The following NKD1 variants were observed in gnomAD, a reference collection of about 807,000 sequenced individuals.
NKD1 encodes NKD inhibitor of Wnt signaling pathway 1, also known as protein naked cuticle homolog 1.
In NKD1, 21 loss-of-function variants were observed where a neutral mutation model predicts 56.0. The ratio of observed to expected loss-of-function variants is 0.38; its 90% CI spans 0.27 to 0.54. The LOEUF (loss-of-function observed/expected upper bound fraction) is 0.54, where lower values mean the gene tolerates loss of function less well. Ranked by LOEUF, NKD1 falls within the 20% of genes least tolerant of loss-of-function variation. The probability of loss-of-function intolerance (pLI) is 0.82; values close to 1 mark genes in which losing one functional copy is unlikely to be tolerated. For missense variants in NKD1, 578 were observed against 642.7 expected (o/e 0.90, Z 1.09); for synonymous variants, 263 against 265.7 (o/e 0.99, Z 0.10).
intron 3 of NKD1, among the ~76,000 whole-genome samples, chr16:50,604,445 A>G (rs1961662261): frequency 6.6e-6 from 1 of 152,180 alleles, no homozygotes; most frequent in African/African-American, 2.4e-5. Flanking sequence ...TGGTCACCAT[A>G]CAATAACAAT....
In NKD1 at chr16:50,549,573, T is replaced by A. The variant is rs775033582; in HGVS notation, c.192+18T>A. The A allele has an allele frequency of 2.6e-5, 41 of 1,553,636 alleles. No individual in the cohort carries two copies. Among genetic ancestry groups the A allele is most frequent in the Non-Finnish European group, 3.5e-5 (40 of 1,147,244 alleles). On this transcript the variant is annotated intron_variant, in intron 3 of 9. Transcript: ENST00000268459. ...GCACCCGGGTATGATTCCCCACCCC[T>A]GCCCCACCTCCTGGCCTCCTTTCAG...
chr16:50,592,195 A>G (rs1338610353), intron 3 of NKD1, among the ~76,000 whole-genome samples: 1 of 152,206 alleles, frequency 6.6e-6, no homozygotes, highest in Non-Finnish European at 1.5e-5. Flanking sequence ...GCCTTGGATC[A>G]ATGAAAGCTG....
chr16:50,617,309 G>C (rs1396072901), intron 4 of NKD1, among the ~76,000 whole-genome samples: 1 of 152,102 alleles, frequency 6.6e-6, no homozygotes, highest in Non-Finnish European at 1.5e-5. Flanking sequence ...TTTAAACTGG[G>C]GGAGGGGAGA....
chr16:50,558,424 G>A (rs996792984), intron 3 of NKD1: 2 of 152,246 alleles, frequency 1.3e-5, no homozygotes, highest in Non-Finnish European at 1.5e-5. Context: ...CTATCGCATA[G>A]ATGAGGAGGC....
chr16:50,564,223 G>A (rs1960709282), intron 3 of NKD1, among the ~76,000 whole-genome samples: 1 of 152,242 alleles, frequency 6.6e-6, no homozygotes. Context: ...CCTTCTAGAT[G>A]GTTGGATCAG....
At chr16:50,606,162 A>G (rs568446169) in intron 3 of NKD1, 1 of 151,498 alleles carries the variant, frequency 6.6e-6, no homozygotes. Context: ...GTTTCAAGCG[A>G]TTCTTCTGCC....
In NKD1 at chr16:50,646,615, CT is replaced by C. The variant is rs1962686243; in HGVS notation, c.*12835del. 6.6e-6 allele frequency: 1 copy of C among 152,280 alleles called. No individual in the cohort carries two copies. The highest frequency in any genetic ancestry group is 2.4e-5 in the African/African-American group (1 of 41,436). 9.4% of individuals were successfully genotyped at this position (152,280 alleles called of 1,614,324 possible). On this transcript the variant is annotated 3_prime_UTR_variant, in exon 10 of 10. Coordinates refer to ENST00000268459, the MANE Select transcript of NKD1 (RefSeq NM_033119.5). ...GCTCAGGCCCTGGGGACACAGTGCCCTCCCTCTAGGAGCCTTAATGGGGAAA... is the reference window on the plus strand; with the variant it reads ...GCTCAGGCCCTGGGGACACAGTGCCCCCCTCTAGGAGCCTTAATGGGGAAA...
chr16:50,574,887 A>C (rs1488481182), intron 3 of NKD1: 28 of 985,416 alleles, frequency 2.8e-5, no homozygotes, highest in Non-Finnish European at 3.3e-5. Flanking sequence ...CCAAGTTTGA[A>C]ACTTCCTCTC....
At chr16:50,575,571 G>A (rs978532621) in intron 3 of NKD1, among the ~76,000 whole-genome samples, 4 of 152,196 alleles carry the variant, frequency 2.6e-5, no homozygotes, top group African/African-American at 4.8e-5. Flanking sequence ...TCAGGAGCTC[G>A]AACACTGAGA....
In NKD1 at chr16:50,598,814, C is replaced by T. The variant is rs531853805; in HGVS notation, c.193-9480C>T. ...CAGTGGTGTGGCAGGATCAGTGGTG[C>T]GATGTGCAGTGGCATGGTAGAGTCA... On this transcript the variant is annotated intron_variant, in intron 3 of 9. Coordinates refer to ENST00000268459, the MANE Select transcript of NKD1 (RefSeq NM_033119.5). The surrounding 1 kb of genome is among the most constrained non-coding windows in gnomAD (Gnocchi z 4.2). 6.8e-6 allele frequency among the ~76,000 whole-genome samples: 1 copy of T among 146,404 alleles called. No individual in the cohort carries two copies. Among genetic ancestry groups the T allele is most frequent in the Non-Finnish European group, 1.5e-5 (1 of 66,472 alleles).
chr16:50,615,468 C>T (rs1461443376), intron 4 of NKD1, among the ~76,000 whole-genome samples: 1 of 152,160 alleles, frequency 6.6e-6, no homozygotes, highest in Non-Finnish European at 1.5e-5. Context: ...GGTGTGACAG[C>T]ATGCTGCTCA....
intron 4 of NKD1, among the ~76,000 whole-genome samples, chr16:50,611,646 G>T (rs942795383): frequency 6.6e-6 from 1 of 152,192 alleles, no homozygotes; most frequent in African/African-American, 2.4e-5. Context: ...CTCGGGGCCT[G>T]TTCAGCTCTG....
At chr16:50,600,983 C>T (rs576717756) in intron 3 of NKD1, among the ~76,000 whole-genome samples, 1 of 152,338 alleles carries the variant, frequency 6.6e-6, no homozygotes, top group South Asian at 2.1e-4. Flanking sequence ...GCATCTTGGG[C>T]AGATAAAAAT....
intron 4 of NKD1, among the ~76,000 whole-genome samples, chr16:50,609,575 C>T (rs1310313916): frequency 2.6e-5 from 4 of 152,130 alleles, no homozygotes; most frequent in African/African-American, 7.2e-5. Flanking sequence ...AGGGGAGCAT[C>T]GGCCAGACCT....
Position 50,633,552 on chromosome 16 carries a change from C to T in NKD1, c.1184C>T (p.Ala395Val). 6.2e-7 allele frequency: 1 copy of T among 1,611,116 alleles called. No individual in the cohort carries two copies. Among genetic ancestry groups the T allele is most frequent in the Non-Finnish European group, 8.5e-7 (1 of 1,179,300 alleles). Residue 395 changes from alanine (A) to valine (V), a missense_variant, in exon 10 of 10, where the codon GCC becomes GTC. Coordinates refer to ENST00000268459, the MANE Select transcript of NKD1 (RefSeq NM_033119.5). The surrounding 1 kb of genome is among the most constrained non-coding windows in gnomAD (Gnocchi z 4.9). ...AGCCCGGCCCTCCTCCCCTCCCTAG[C>T]CCCCCTCGGGCACAAGAAGCACAAG... ...AASPALLPSL[A>V]PLGHKKHKHR...
At chr16:50,565,519 TAAC>T (rs1436259441) in intron 3 of NKD1, among the ~76,000 whole-genome samples, 1 of 151,770 alleles carries the variant, frequency 6.6e-6, no homozygotes, top group Non-Finnish European at 1.5e-5. Flanking sequence ...TCTCTTAAAA[TAAC>T]AACAGTAACA....
intron 3 of NKD1, among the ~76,000 whole-genome samples, chr16:50,568,716 T>G (rs1960817864): frequency 6.6e-6 from 1 of 152,076 alleles, no homozygotes; most frequent in African/African-American, 2.4e-5. Flanking sequence ...TTCTTTGAGC[T>G]CCAGTCAGCA....
In NKD1 at chr16:50,633,137, G is replaced by A. The variant is rs577582674; in HGVS notation, c.824-55G>A. On this transcript the variant is annotated intron_variant, in intron 9 of 9. Coordinates refer to ENST00000268459, the MANE Select transcript of NKD1 (RefSeq NM_033119.5). This position sits in a 1 kb window ranked among gnomAD's most constrained non-coding sequence, Gnocchi z 4.9. ...GCGGGGGTGATGTCTGGGGTATAGC[G>A]CAAGCCCCAGCACACAGTAGGTGCT... 598 of 1,500,934 alleles carry A rather than the reference G, an allele frequency of 4.0e-4. 6 individuals carry two copies. In the South Asian group the frequency reaches 6.9e-3, roughly 17 times the overall value. The allele number at this position is 1,500,934 out of a possible 1,614,324, so 93.0% of individuals were successfully genotyped here. A position where few individuals can be genotyped will look rare whatever the true frequency, so the allele number is the denominator to read the frequency against.
intron 3 of NKD1, among the ~76,000 whole-genome samples, chr16:50,565,264 C>G (rs1960732878): frequency 6.6e-6 from 1 of 151,280 alleles, no homozygotes; most frequent in South Asian, 2.1e-4. Context: ...CCCAGCTACT[C>G]AGGAGGCCGA....
Sources: allele counts gnomAD v4.1 joint callset (sites outside exome capture counted in the v4.1 genomes callset), GRCh38; gene constraint gnomAD v4.1.1; non-coding constraint Gnocchi (gnomAD v3.1); transcripts MANE v1.5; gene names NCBI Gene and HGNC (gene_info 2026-07-23, HGNC 2026-07-21).